The following EXOC6B variants were observed in gnomAD, a reference collection of about 807,000 sequenced individuals.
EXOC6B encodes SEC15 homolog B.
In EXOC6B, 54 loss-of-function variants were observed where a neutral mutation model predicts 113.5. That is an observed-to-expected ratio of 0.48 (90% confidence interval 0.38 to 0.60). EXOC6B has a LOEUF of 0.60. EXOC6B is among the 20% of genes least tolerant of loss of function. The pLI is 0.00. For missense variants in EXOC6B, 797 were observed against 977.5 expected (o/e 0.82, Z 2.46); for synonymous variants, 357 against 339.0 (o/e 1.05, Z -0.58).
At chr2:72,753,929 T>C (rs1682226117) in intron 1 of EXOC6B, among the ~76,000 whole-genome samples, 1 of 152,158 alleles carries the variant, frequency 6.6e-6, no homozygotes, top group African/African-American at 2.4e-5. Context: ...CCTTACCTTT[T>C]TAGTTTTTAG....
intron 20 of EXOC6B, among the ~76,000 whole-genome samples, chr2:72,247,386 T>C (rs1682732470): frequency 1.3e-5 from 2 of 152,102 alleles, no homozygotes; most frequent in Non-Finnish European, 1.5e-5. Context: ...CCTAAAGTAG[T>C]AGGGGAATGA....
chr2:72,347,278 G>A (rs1689392700), intron 19 of EXOC6B, among the ~76,000 whole-genome samples: 1 of 152,158 alleles, frequency 6.6e-6, no homozygotes. Flanking sequence ...TGCCATGAAA[G>A]GGGTGGGTTT....
At chr2:72,307,244 A>T (rs146817879) in intron 20 of EXOC6B, among the ~76,000 whole-genome samples, 4 of 149,484 alleles carry the variant, frequency 2.7e-5, no homozygotes, top group Non-Finnish European at 5.9e-5. Context: ...GGTTCAAGCG[A>T]TTCCCCTGCC....
chr2:72,355,896 TA>T (rs1036836743), intron 19 of EXOC6B, among the ~76,000 whole-genome samples: 1 of 152,212 alleles, frequency 6.6e-6, no homozygotes, highest in African/African-American at 2.4e-5. Flanking sequence ...TTTAAATTTT[TA>T]TTGGGTTCAA....
intron 18 of EXOC6B, among the ~76,000 whole-genome samples, chr2:72,421,816 C>T (rs1216694924): frequency 1.3e-5 from 2 of 152,170 alleles, no homozygotes; most frequent in Non-Finnish European, 2.9e-5. Context: ...CAGCTTGCAG[C>T]GAGGTGTGGA....
At chr2:72,280,140 AT>A (rs370027196) in intron 20 of EXOC6B, among the ~76,000 whole-genome samples, 1 of 151,814 alleles carries the variant, frequency 6.6e-6, no homozygotes, top group Non-Finnish European at 1.5e-5. Context: ...GTCTTCATTA[AT>A]TTTTTTTATC....
At chr2:72,528,301 G>A (rs996740290) in intron 8 of EXOC6B, among the ~76,000 whole-genome samples, 3 of 151,918 alleles carry the variant, frequency 2.0e-5, no homozygotes, top group Non-Finnish European at 2.9e-5. Context: ...TTTGGTCTAT[G>A]GCTGTTCAAT....
intron 1 of EXOC6B, among the ~76,000 whole-genome samples, chr2:72,807,641 T>C (rs1685652470): frequency 6.6e-6 from 1 of 152,154 alleles, no homozygotes; most frequent in African/African-American, 2.4e-5. Flanking sequence ...GGTACTTATA[T>C]ACAATGGAGT....
chr2:72,212,238 A>C (rs1275218841), intron 20 of EXOC6B, among the ~76,000 whole-genome samples: 2 of 152,186 alleles, frequency 1.3e-5, no homozygotes, highest in African/African-American at 4.8e-5. Context: ...CAAAGGGTGT[A>C]ATGGTATCCA....
intron 1 of EXOC6B, among the ~76,000 whole-genome samples, chr2:72,766,043 A>G (rs147229990): frequency 9.2e-5 from 14 of 152,366 alleles, no homozygotes; most frequent in African/African-American, 3.1e-4. Context: ...AGAGGTTAAG[A>G]TAAGCAAAAA....
chr2:72,203,594 A>T (rs913984789), intron 20 of EXOC6B, among the ~76,000 whole-genome samples: 9 of 152,222 alleles, frequency 5.9e-5, no homozygotes. Flanking sequence ...AGGAATAAAA[A>T]GTCTATATTC....
At chr2:72,524,798 A>G (rs1307424309) in intron 8 of EXOC6B, among the ~76,000 whole-genome samples, 2 of 152,194 alleles carry the variant, frequency 1.3e-5, no homozygotes, top group Non-Finnish European at 2.9e-5. Context: ...GAGCCACAAC[A>G]TTGTCAAAAC....
intron 20 of EXOC6B, among the ~76,000 whole-genome samples, chr2:72,280,496 C>T (rs138058084): frequency 1.3e-5 from 2 of 152,176 alleles, no homozygotes; most frequent in East Asian, 3.9e-4. Flanking sequence ...CTTCAGAGAT[C>T]ATTTAATCTA....
At chr2:72,602,833 C>T (rs1459082880) in intron 6 of EXOC6B, among the ~76,000 whole-genome samples, 3 of 152,156 alleles carry the variant, frequency 2.0e-5, no homozygotes, top group Non-Finnish European at 4.4e-5. Context: ...TTCCTCCTCC[C>T]CACTCAGTAT....
chr2:72,314,238 C>T (rs1470694042), intron 20 of EXOC6B, among the ~76,000 whole-genome samples: 1 of 152,142 alleles, frequency 6.6e-6, no homozygotes, highest in Non-Finnish European at 1.5e-5. Flanking sequence ...CCTGGGTTGT[C>T]ACAATCGCCT....
intron 20 of EXOC6B, among the ~76,000 whole-genome samples, chr2:72,252,866 A>G (rs955687879): frequency 6.6e-6 from 1 of 152,200 alleles, no homozygotes; most frequent in Non-Finnish European, 1.5e-5. Context: ...TTAATCTATA[A>G]TAACAGTTGA....
intron 1 of EXOC6B, among the ~76,000 whole-genome samples, chr2:72,802,274 G>A (rs1232676515): frequency 2.0e-5 from 3 of 149,048 alleles, no homozygotes; most frequent in South Asian, 2.1e-4. Context: ...GCAGTGAGCC[G>A]AGATCACACC....
At chr2:72,310,834 A>G (rs1687139565) in intron 20 of EXOC6B, among the ~76,000 whole-genome samples, 1 of 148,986 alleles carries the variant, frequency 6.7e-6, no homozygotes, top group Non-Finnish European at 1.5e-5. Context: ...GGCATTTTAC[A>G]TGTGTTATTT....
intron 12 of EXOC6B, among the ~76,000 whole-genome samples, chr2:72,499,700 A>T (rs1700223517): frequency 6.6e-6 from 1 of 151,754 alleles, no homozygotes; most frequent in African/African-American, 2.4e-5. Flanking sequence ...GTGATTTTTT[A>T]TGTTTTTATT....
Sources: gnomAD v4.1 joint callset for allele counts (sites outside exome capture counted in the v4.1 genomes callset) on GRCh38, gnomAD v4.1.1 for gene constraint, MANE v1.5 for transcripts, NCBI Gene and HGNC (gene_info 2026-07-23, HGNC 2026-07-21) for gene names.